Variants in CHD7 observed in about 807,000 individuals in gnomAD.
CHD7 encodes the protein ATP-dependent chromatin remodeler CHD7.
CHD7 carries 24 observed loss-of-function variants against 307.3 expected under a neutral mutation model. The observed-to-expected ratio is 0.08, with a 90% CI of 0.06 to 0.11. The LOEUF is 0.11. Ranked by LOEUF, CHD7 falls within the 10% of genes least tolerant of loss-of-function variation. The pLI, the probability that CHD7 is intolerant of heterozygous loss-of-function variation, is 1.00. For missense variants in CHD7, 3,106 were observed against 3,727.1 expected (o/e 0.83, Z 4.34); for synonymous variants, 1,363 against 1,349.9 (o/e 1.01, Z -0.21).
chr8:60,752,278 T>C (rs1284102431), intron 2 of CHD7, among the ~76,000 whole-genome samples: 1 of 152,208 alleles, frequency 6.6e-6, no homozygotes, highest in African/African-American at 2.4e-5. Flanking sequence ...CATTGGAGAA[T>C]ATTGAGGAGG....
intron 34 of CHD7, among the ~76,000 whole-genome samples, chr8:60,859,206 C>T (rs1025343086): frequency 2.6e-5 from 4 of 151,858 alleles, no homozygotes; most frequent in Non-Finnish European, 1.5e-5. Flanking sequence ...GGGTGATGTG[C>T]ATGCACATAA....
At chr8:60,705,246 G>A (rs1233308415) in intron 1 of CHD7, among the ~76,000 whole-genome samples, 3 of 152,202 alleles carry the variant, frequency 2.0e-5, no homozygotes, top group East Asian at 3.8e-4. Flanking sequence ...GGGTACAGAT[G>A]TTAGTGAACT....
chr8:60,778,889 G>A (rs1031519536), intron 2 of CHD7, among the ~76,000 whole-genome samples: 15 of 152,240 alleles, frequency 9.9e-5, no homozygotes, highest in African/African-American at 3.6e-4. Flanking sequence ...TGCCTCTGTT[G>A]ATGTGTAAGA....
At chr8:60,768,845 C>A (rs1169312330) in intron 2 of CHD7, among the ~76,000 whole-genome samples, 17 of 151,424 alleles carry the variant, frequency 1.1e-4, no homozygotes, top group Non-Finnish European at 2.9e-5. Context: ...AAAAAAAAAA[C>A]CTGCACTCCT....
intron 19 of CHD7, among the ~76,000 whole-genome samples, chr8:60,839,891 T>C (rs918199534): frequency 1.3e-5 from 2 of 152,252 alleles, no homozygotes; most frequent in African/African-American, 4.8e-5. Flanking sequence ...ATAATTTTAA[T>C]GAAGCCCAGT....
chr8:60,800,800 T>A (rs1274737980), intron 5 of CHD7, among the ~76,000 whole-genome samples: 1 of 152,204 alleles, frequency 6.6e-6, no homozygotes, highest in Non-Finnish European at 1.5e-5. Flanking sequence ...AGAGTTGGAA[T>A]ATAAGGAGGC....
At chr8:60,769,875 G>GTT (rs1810632833) in intron 2 of CHD7, among the ~76,000 whole-genome samples, 1 of 152,178 alleles carries the variant, frequency 6.6e-6, no homozygotes, top group Non-Finnish European at 1.5e-5. Context: ...GTGTATACTT[G>GTT]TAGACAAAAA....
intron 27 of CHD7, 35 bp downstream of exon 27, chr8:60,851,139 A>G (rs1805436997): frequency 6.7e-7 from 1 of 1,502,356 alleles, no homozygotes. Context: ...TTATAGCTCC[A>G]TTAAAATATT....
chr8:60,823,824 A>C lies in CHD7; in HGVS notation c.3202-16A>C. 1 of 1,603,720 alleles carries C rather than the reference A, an allele frequency of 6.2e-7. No homozygotes were observed. The highest frequency in any genetic ancestry group is 1.1e-5 in the South Asian group (1 of 90,792). Reference sequence around the variant, plus strand: ...AACCATTAATGCTTAATAATAATTCAGAGTTGTTCTTATAGGGTCGAGTGA... The same window carrying C: ...AACCATTAATGCTTAATAATAATTCCGAGTTGTTCTTATAGGGTCGAGTGA... On this transcript the variant is annotated splice_polypyrimidine_tract_variant and intron_variant, in intron 12 of 37. Coordinates refer to ENST00000423902, the MANE Select transcript of CHD7 (RefSeq NM_017780.4).
In CHD7 at chr8:60,845,365, C is replaced by T. The variant is rs939102830; in HGVS notation, c.5166C>T (p.Phe1722=). ...WLASCNPDAL[F]QEDSYKKHLK... is the part of the protein sequence containing the mutation. ...CCAGCTGCAACCCAGATGCCCTGTTCCAGGAGGACAGCTACAAGAAACACC... is the reference window on the plus strand; with the variant it reads ...CCAGCTGCAACCCAGATGCCCTGTTTCAGGAGGACAGCTACAAGAAACACC... Residue 1722 remains phenylalanine, a synonymous_variant, in exon 23 of 38, where the codon TTC becomes TTT. Coordinates refer to ENST00000423902, the MANE Select transcript of CHD7 (RefSeq NM_017780.4). 3.1e-6 allele frequency: 5 copies of T among 1,613,974 alleles called. No individual in the cohort carries two copies. In the African/African-American group the frequency reaches 6.7e-5, roughly 22 times the overall value.
chr8:60,763,025 G>T (rs1345510839), intron 2 of CHD7, among the ~76,000 whole-genome samples: 1 of 152,126 alleles, frequency 6.6e-6, no homozygotes, highest in African/African-American at 2.4e-5. Context: ...GAGAAGATGG[G>T]ACTGCAGAGG....
At chr8:60,836,685 G>A (rs1804756825) in intron 16 of CHD7, 132 bp from the exon 17 acceptor site, 1 of 603,064 alleles carries the variant, frequency 1.7e-6, no homozygotes. Context: ...TATTTGCTCT[G>A]AGATTAGTTC....
intron 21 of CHD7, among the ~76,000 whole-genome samples, chr8:60,843,208 G>A (rs1805049706): frequency 6.6e-6 from 1 of 152,136 alleles, no homozygotes; most frequent in African/African-American, 2.4e-5. Context: ...GCTGATAAAT[G>A]CTTGTTCAAC....
chr8:60,731,942 T>C (rs1260737045), intron 1 of CHD7, among the ~76,000 whole-genome samples: 1 of 152,246 alleles, frequency 6.6e-6, no homozygotes, highest in Non-Finnish European at 1.5e-5. Context: ...GAGCTCCCTG[T>C]GTGGCCCCTG....
chr8:60,818,425 T>C (rs2150742358), intron 8 of CHD7, among the ~76,000 whole-genome samples: 1 of 152,344 alleles, frequency 6.6e-6, no homozygotes, highest in South Asian at 2.1e-4. Context: ...AAGAACAAGT[T>C]TTCCTAAAGA....
At chr8:60,831,875 C>T (rs1258938164) in intron 15 of CHD7, among the ~76,000 whole-genome samples, 5 of 152,122 alleles carry the variant, frequency 3.3e-5, no homozygotes, top group African/African-American at 7.2e-5. Context: ...CTTTTAATAA[C>T]GTGTAACTCA....
intron 33 of CHD7, 106 bp downstream of exon 33, chr8:60,856,308 G>T: frequency 8.1e-7 from 1 of 1,241,294 alleles, no homozygotes; most frequent in Non-Finnish European, 1.1e-6. Context: ...TAAGATAGCT[G>T]CTGTTTCCTC....
chr8:60,830,365 G>A lies in CHD7; in HGVS notation c.3566G>A (p.Arg1189His), dbSNP rs1554599432. 1.2e-6 allele frequency: 2 copies of A among 1,613,844 alleles called. No homozygotes were observed. Among genetic ancestry groups the A allele is most frequent in the South Asian group, 1.1e-5 (1 of 91,072 alleles). ...QAILKPMMLR[R>H]LKEDVEKNLA... The stretch of plus-strand genomic sequence containing the variant: ...ATTCTAAAGCCAATGATGTTGAGAC[G>A]TCTCAAAGAGGATGTAGAAAAGAAC... The change falls in exon 15 of 38, where the codon CGT becomes CAT. Residue 1189 changes from arginine (R) to histidine (H), a missense_variant. Coordinates refer to ENST00000423902, the MANE Select transcript of CHD7 (RefSeq NM_017780.4).
At chr8:60,714,176 CCCCCGGGGGGCGGGGCAT>C (rs1474771296) in intron 1 of CHD7, among the ~76,000 whole-genome samples, 1 of 151,880 alleles carries the variant, frequency 6.6e-6, no homozygotes, top group Non-Finnish European at 1.5e-5. Context: ...GCGAGCGGGC[CCCCCGGGGGGCGGGGCAT>C]CCCCTGGGCC....
Sources: gnomAD v4.1 joint callset for allele counts (sites outside exome capture counted in the v4.1 genomes callset) on GRCh38, gnomAD v4.1.1 for gene constraint, MANE v1.5 for transcripts, NCBI Gene and HGNC (gene_info 2026-07-23, HGNC 2026-07-21) for gene names.